The following TRPM8 variants were observed in gnomAD, a reference collection of about 807,000 sequenced individuals.
TRPM8 encodes the protein transient receptor potential cation channel subfamily M member 8.
Under a neutral mutation model 133.7 loss-of-function variants are expected in TRPM8, and 110 were observed. The ratio of observed to expected loss-of-function variants is 0.82; its 90% CI spans 0.70 to 0.96. The LOEUF (loss-of-function observed/expected upper bound fraction) is 0.96. Among genes scored for constraint, TRPM8 ranks in the 40% least tolerant of loss-of-function variants. The pLI, the probability that TRPM8 is intolerant of heterozygous loss-of-function variation, is 0.00. For missense variants in TRPM8, 1,291 were observed against 1,379.5 expected, an observed-to-expected ratio of 0.94 and a Z score of 1.02; for synonymous variants, 535 against 532.3, an observed-to-expected ratio of 1.01 and a Z score of -0.07.
chr2:234,013,926 C>T (rs1692898902), intron 24 of TRPM8: 2 of 151,946 alleles, frequency 1.3e-5, no homozygotes, highest in Admixed American at 1.3e-4. Context: ...AGATTTTTTT[C>T]TTGAGTGAGT....
chr2:233,927,734 C>T (rs886198970), intron 2 of TRPM8, among the ~76,000 whole-genome samples: 2 of 55,594 alleles, frequency 3.6e-5, no homozygotes, highest in African/African-American at 5.9e-4. Flanking sequence ...TTCTTTCTTT[C>T]TTTCTTTCTT....
intron 22 of TRPM8, among the ~76,000 whole-genome samples, chr2:234,000,086 G>GATTTATTTGTTT (rs1692513239): frequency 6.9e-6 from 1 of 144,166 alleles, no homozygotes; most frequent in Non-Finnish European, 1.5e-5. Flanking sequence ...CAATGTGGAT[G>GATTTATTTGTTT]ATTTATTTAT....
intron 24 of TRPM8, chr2:234,013,564 A>G (rs1206856407): frequency 2.0e-5 from 3 of 152,162 alleles, no homozygotes; most frequent in Admixed American, 6.5e-5. Context: ...CTTTTCAAAA[A>G]ACCAACTCTT....
chr2:233,996,637 A>G (rs1692410357), intron 22 of TRPM8, 121 bp downstream of exon 22: 1 of 935,930 alleles, frequency 1.1e-6, no homozygotes, highest in Admixed American at 2.3e-5. Flanking sequence ...TCACATCTGT[A>G]CATCTGTAAA....
chr2:233,981,682 G>A, intron 18 of TRPM8, 92 bp from the exon 19 acceptor site: 3 of 1,344,910 alleles, frequency 2.2e-6, no homozygotes, highest in Non-Finnish European at 3.0e-6. Flanking sequence ...TCCAGCTCTT[G>A]CCTGTTTCTT....
intron 17 of TRPM8, among the ~76,000 whole-genome samples, chr2:233,974,190 C>T (rs1182299077): frequency 6.6e-6 from 1 of 152,094 alleles, no homozygotes; most frequent in African/African-American, 2.4e-5. Flanking sequence ...ACAGTGTCTG[C>T]CCCACAAGTG....
chr2:233,961,162 A>G (rs1178586929), intron 12 of TRPM8, 96 bp downstream of exon 12: 1 of 1,233,626 alleles, frequency 8.1e-7, no homozygotes, highest in Non-Finnish European at 1.1e-6. Context: ...TCTTATTGCC[A>G]TAAAATACTT....
Position 234,018,827 on chromosome 2 carries a change from A to T in TRPM8, c.*1571A>T, listed in dbSNP as rs1693021300. ...ACCACTGCACTCCAGCCGGGGTGAC[A>T]GAGTGAGACTCCGACTGAAAATAAA... On this transcript the variant is annotated 3_prime_UTR_variant, in exon 26 of 26. Coordinates refer to ENST00000324695, the MANE Select transcript of TRPM8 (RefSeq NM_024080.5). The T allele has an allele frequency of 6.9e-6, 1 of 144,708 alleles. No individual in the cohort carries two copies. The highest frequency in any genetic ancestry group is 1.5e-5 in the Non-Finnish European group (1 of 67,442). The allele number at this position is 144,708 out of a possible 1,614,324, so 9.0% of individuals were successfully genotyped here. A position where few individuals can be genotyped will look rare whatever the true frequency, so the allele number is the denominator to read the frequency against.
chr2:233,934,368 C>T (rs1691745815), intron 3 of TRPM8, among the ~76,000 whole-genome samples: 1 of 152,184 alleles, frequency 6.6e-6, no homozygotes, highest in Non-Finnish European at 1.5e-5. Context: ...TCTTTTGGTC[C>T]TAATTTCAAA....
At chr2:233,942,889 C>A in intron 6 of TRPM8, 141 bp downstream of exon 6, 1 of 899,850 alleles carries the variant, frequency 1.1e-6, no homozygotes, top group Non-Finnish European at 1.8e-6. Context: ...GCCTTTGGGA[C>A]CTTAAAGGAA....
Position 233,983,211 on chromosome 2 carries a change from C to G in TRPM8, c.2748C>G (p.Pro916=). 6.2e-7 allele frequency: 1 copy of G among 1,614,094 alleles called. No individual in the cohort carries two copies. The highest frequency in any genetic ancestry group is 8.5e-7 in the Non-Finnish European group (1 of 1,180,016). The part of the protein sequence containing the change: ...EPYLAMFGQV[P]SDVDGTTYDF... ...ACCTGGCCATGTTCGGCCAGGTGCC[C>G]AGTGACGTGGATGGTAAGCCTGACT... is the stretch of plus-strand genomic sequence containing the variant. The change falls in exon 20 of 26, where the codon CCC becomes CCG. Residue 916 remains proline, a synonymous_variant. Coordinates refer to ENST00000324695, the MANE Select transcript of TRPM8 (RefSeq NM_024080.5).
chr2:234,003,841 T>C (rs1469879788), intron 22 of TRPM8, among the ~76,000 whole-genome samples: 1 of 152,120 alleles, frequency 6.6e-6, no homozygotes, highest in Non-Finnish European at 1.5e-5. Context: ...AGGGGCTGCA[T>C]GGGATAAAGG....
chr2:233,992,679 C>A (rs1212140961), intron 21 of TRPM8, among the ~76,000 whole-genome samples: 5 of 152,200 alleles, frequency 3.3e-5, no homozygotes, highest in Non-Finnish European at 5.9e-5. Context: ...ACGCCAAGGG[C>A]ACAAGATATC....
Position 233,953,998 on chromosome 2 carries a change from A to G in TRPM8, c.1222A>G (p.Ile408Val). 6.2e-7 allele frequency: 1 copy of G among 1,613,764 alleles called. No homozygotes were observed. The highest frequency in any genetic ancestry group is 8.5e-7 in the Non-Finnish European group (1 of 1,179,746). The change falls in exon 10 of 26, where the codon ATC (isoleucine) becomes GTC (valine). Residue 408 changes from isoleucine (I) to valine (V), a missense_variant. Transcript: ENST00000324695. ...TGGGGATGAAATTGTGAGCAATGCC[A>G]TCTCCTACGCTCTATACAAAGGTGA... ...EAGDEIVSNAISYALYKAFST... is the reference protein window; with the variant it reads ...EAGDEIVSNAVSYALYKAFST...
intron 21 of TRPM8, among the ~76,000 whole-genome samples, chr2:233,992,990 T>G (rs1015880015): frequency 1.3e-5 from 2 of 152,172 alleles, no homozygotes; most frequent in Admixed American, 1.3e-4. Context: ...GGAGCCCCCC[T>G]CTGGAGAACC....
intron 21 of TRPM8, among the ~76,000 whole-genome samples, chr2:233,988,500 G>T (rs1692202629): frequency 6.6e-6 from 1 of 152,162 alleles, no homozygotes; most frequent in East Asian, 1.9e-4. Flanking sequence ...GAAAAAAATG[G>T]GTTCTTACCC....
Position 233,941,779 on chromosome 2 carries a change from G to T in TRPM8, c.527-797G>T, listed in dbSNP as rs28901628. ...CCTGTATAACCCTTAGCATTGAGAA[G>T]ATAATCAGATCTAAACCCTAAAAAG... On this transcript the variant is annotated intron_variant, in intron 5 of 25. Coordinates refer to ENST00000324695, the MANE Select transcript of TRPM8 (RefSeq NM_024080.5). Among the ~76,000 whole-genome samples the T allele has an allele frequency of 8.8e-3, 1,334 of 152,278 alleles. 15 individuals are homozygous for T. Among genetic ancestry groups the T allele is most frequent in the African/African-American group, 0.03 (1,266 of 41,554 alleles).
intron 22 of TRPM8, among the ~76,000 whole-genome samples, chr2:233,996,894 C>G (rs11563207): frequency 2.0e-5 from 3 of 152,158 alleles, no homozygotes; most frequent in African/African-American, 7.2e-5. Flanking sequence ...GACTCCAGCA[C>G]GGTTTGTGAC....
intron 3 of TRPM8, among the ~76,000 whole-genome samples, chr2:233,936,007 A>G (rs1690725583): frequency 6.6e-6 from 1 of 152,060 alleles, no homozygotes; most frequent in African/African-American, 2.4e-5. Flanking sequence ...ATTGATTTGC[A>G]TGTAAGGCAC....
Sources: gnomAD v4.1 joint callset for allele counts (sites outside exome capture counted in the v4.1 genomes callset) on GRCh38, gnomAD v4.1.1 for gene constraint, MANE v1.5 for transcripts, NCBI Gene and HGNC (gene_info 2026-07-23, HGNC 2026-07-21) for gene names.